Variants in TENM4 observed in about 807,000 individuals in gnomAD.
TENM4 encodes the protein teneurin-4.
In TENM4, 82 loss-of-function variants were observed where a neutral mutation model predicts 243.3. The ratio of observed to expected loss-of-function variants is 0.34; its 90% confidence interval spans 0.28 to 0.40. The LOEUF (loss-of-function observed/expected upper bound fraction) is 0.40, where lower values mean the gene tolerates loss of function less well. Ranked by LOEUF, TENM4 falls within the 10% of genes least tolerant of loss-of-function variation. The pLI is 1.00. For synonymous variants in TENM4, 1,412 were observed against 1,456.3 expected (o/e 0.97, Z 0.69); for missense variants, 3,138 against 3,673.3 (o/e 0.85, Z 3.77).
chr11:78,670,635 G>T (rs752718370), intron 31 of TENM4, 84 bp from the exon 32 acceptor site: 13 of 1,283,578 alleles, frequency 1.0e-5, no homozygotes, highest in African/African-American at 1.5e-5. Flanking sequence ...TAAAGGGACG[G>T]AATGAATGTC....
intron 1 of TENM4, among the ~76,000 whole-genome samples, chr11:79,387,274 G>T (rs1161032743): frequency 6.6e-6 from 1 of 152,160 alleles, no homozygotes; most frequent in Non-Finnish European, 1.5e-5. Context: ...AGACTGGGAG[G>T]GGGGATCACA....
chr11:79,083,276 C>T (rs995765681), intron 4 of TENM4, among the ~76,000 whole-genome samples: 1 of 152,312 alleles, frequency 6.6e-6, no homozygotes, highest in East Asian at 1.9e-4. Context: ...CGCAAGCCTT[C>T]GGCCTCCGTG....
chr11:78,718,228 C>A (rs957512240), intron 25 of TENM4, among the ~76,000 whole-genome samples: 15 of 152,178 alleles, frequency 9.9e-5, no homozygotes, highest in Non-Finnish European at 1.9e-4. Context: ...AATATCAGAG[C>A]TGAACCCAGG....
chr11:79,032,784 A>G (rs1197956061), intron 6 of TENM4, among the ~76,000 whole-genome samples: 1 of 152,184 alleles, frequency 6.6e-6, no homozygotes, highest in Non-Finnish European at 1.5e-5. Flanking sequence ...TTCTCCCCTA[A>G]TGTCCCAAGG....
At position 78,785,355 on chromosome 11, in the gene TENM4, C is replaced by A. The variant is rs1470561639; in HGVS notation, c.2365+1543G>T. ...GGCTCTGTTGAGGGTGGAGGCTGGG[C>A]AGATTAGGTGAGGGACTCTGAGTGC... On this transcript the variant is annotated intron_variant, in intron 16 of 33. Transcript: ENST00000278550. 2.0e-5 allele frequency among the ~76,000 whole-genome samples: 3 copies of A among 152,088 alleles called. No homozygotes were observed. In the East Asian group the frequency reaches 5.8e-4, roughly 29 times the overall value.
chr11:79,136,590 A>G (rs999194170), intron 4 of TENM4, among the ~76,000 whole-genome samples: 6 of 152,038 alleles, frequency 3.9e-5, no homozygotes, highest in African/African-American at 1.2e-4. Flanking sequence ...TGGCGGGTTG[A>G]TTATACTGGA....
intron 25 of TENM4, 34 bp downstream of exon 25, chr11:78,720,336 G>A (rs879178136): frequency 1.2e-6 from 2 of 1,613,000 alleles, no homozygotes; most frequent in South Asian, 1.1e-5. Context: ...ACAAGGCAGG[G>A]GTGAGGCAGG....
At chr11:78,976,825 C>T (rs1206941360) in intron 6 of TENM4, among the ~76,000 whole-genome samples, 1 of 152,134 alleles carries the variant, frequency 6.6e-6, no homozygotes, top group South Asian at 2.1e-4. Flanking sequence ...AAATTGCACT[C>T]TGTACAGAAA....
chr11:79,236,337 T>C (rs1460844517), intron 2 of TENM4, among the ~76,000 whole-genome samples: 1 of 152,194 alleles, frequency 6.6e-6, no homozygotes, highest in African/African-American at 2.4e-5. Flanking sequence ...GAATGCAATC[T>C]AAACTTTCCT....
intron 1 of TENM4, among the ~76,000 whole-genome samples, chr11:79,369,453 G>A (rs1420325718): frequency 1.3e-5 from 2 of 152,138 alleles, no homozygotes; most frequent in Non-Finnish European, 2.9e-5. Context: ...ACCAGTGATA[G>A]GGTTCAAAGA....
At chr11:78,734,902 A>AT (rs1855752095) in intron 20 of TENM4, among the ~76,000 whole-genome samples, 1 of 152,222 alleles carries the variant, frequency 6.6e-6, no homozygotes, top group African/African-American at 2.4e-5. Flanking sequence ...GACATCTACT[A>AT]AACACCCTAC....
At chr11:78,823,459 C>G (rs1591050259) in intron 12 of TENM4, among the ~76,000 whole-genome samples, 1 of 152,138 alleles carries the variant, frequency 6.6e-6, no homozygotes, top group Non-Finnish European at 1.5e-5. Flanking sequence ...TAAAATGTAC[C>G]CAGGGAACTT....
intron 1 of TENM4, among the ~76,000 whole-genome samples, chr11:79,323,365 G>C (rs150353048): frequency 4.6e-5 from 7 of 152,194 alleles, no homozygotes; most frequent in African/African-American, 1.7e-4. Flanking sequence ...ACTACAGCAT[G>C]ATGAGGACTG....
In TENM4 at chr11:79,065,575, C is replaced by A. The variant is rs1282525645; in HGVS notation, c.224-568G>T. On this transcript the variant is annotated intron_variant, in intron 5 of 33. Coordinates refer to ENST00000278550, the MANE Select transcript of TENM4 (RefSeq NM_001098816.3). ...AGCCCAGTCGATGAGATCTAAATGT[C>A]TCCCTTGGGGCCAGAAGTTCCTTTC... 2.6e-5 allele frequency among the ~76,000 whole-genome samples: 4 copies of A among 152,326 alleles called. No individual in the cohort carries two copies. In the East Asian group the frequency reaches 7.7e-4, roughly 29 times the overall value.
At chr11:78,944,180 G>A (rs1161330367) in intron 6 of TENM4, among the ~76,000 whole-genome samples, 1 of 152,152 alleles carries the variant, frequency 6.6e-6, no homozygotes, top group African/African-American at 2.4e-5. Flanking sequence ...ATCTGCCTGG[G>A]ATGAACTAGC....
chr11:79,108,282 C>A (rs1236539490), intron 4 of TENM4, among the ~76,000 whole-genome samples: 6 of 152,086 alleles, frequency 3.9e-5, no homozygotes, highest in African/African-American at 7.2e-5. Context: ...ATACGAGTGG[C>A]CTCATCCAAT....
chr11:79,035,269 G>A (rs1591228232), intron 6 of TENM4, among the ~76,000 whole-genome samples: 1 of 152,142 alleles, frequency 6.6e-6, no homozygotes, highest in Non-Finnish European at 1.5e-5. Flanking sequence ...CAGGGGACAC[G>A]GCTGGCACTC....
intron 6 of TENM4, among the ~76,000 whole-genome samples, chr11:78,945,462 T>G (rs1856987229): frequency 6.6e-6 from 1 of 152,216 alleles, no homozygotes; most frequent in Non-Finnish European, 1.5e-5. Flanking sequence ...CCTGTCTTTC[T>G]TCCTCTCCTC....
chr11:79,241,802 C>T (rs1372715024), intron 2 of TENM4, among the ~76,000 whole-genome samples: 1 of 152,124 alleles, frequency 6.6e-6, no homozygotes, highest in Non-Finnish European at 1.5e-5. Flanking sequence ...CCTTAAGAAT[C>T]CCCTCAAGCC....
Sources: allele counts gnomAD v4.1 joint callset (sites outside exome capture counted in the v4.1 genomes callset), GRCh38; gene constraint gnomAD v4.1.1; transcripts MANE v1.5; gene names NCBI Gene and HGNC (gene_info 2026-07-23, HGNC 2026-07-21).